SUGCT: variants seen among roughly 807,000 people sequenced by gnomAD.
SUGCT encodes succinyl-CoA:glutarate CoA-transferase.
Under a neutral mutation model 55.0 loss-of-function variants are expected in SUGCT, and 41 were observed. The observed-to-expected ratio is 0.74, with a 90% CI of 0.58 to 0.97. The LOEUF (loss-of-function observed/expected upper bound fraction) is 0.97, where lower values mean the gene tolerates loss of function less well. SUGCT is among the 50% of genes least tolerant of loss of function. SUGCT has a pLI of 0.00. For synonymous variants in SUGCT, 187 were observed against 200.4 expected (o/e 0.93, Z 0.56); for missense variants, 568 against 547.8 (o/e 1.04, Z -0.37).
chr7:40,530,153 G>C (rs910058458), intron 12 of SUGCT, among the ~76,000 whole-genome samples: 1 of 152,034 alleles, frequency 6.6e-6, no homozygotes, highest in Non-Finnish European at 1.5e-5. Context: ...CTTTATACCA[G>C]GAAGAACTGT....
the SUGCT span, among the ~76,000 whole-genome samples, chr7:40,908,298 G>A: frequency 6.6e-6 from 1 of 150,938 alleles, no homozygotes; most frequent in African/African-American, 2.4e-5. Flanking sequence ...CAGGAGAATG[G>A]TGTGAACCTG....
chr7:40,264,085 T>A (rs1232165561), intron 7 of SUGCT, among the ~76,000 whole-genome samples: 1 of 152,178 alleles, frequency 6.6e-6, no homozygotes, highest in Non-Finnish European at 1.5e-5. Flanking sequence ...CTTTGTAGTG[T>A]TAAGACTCTT....
At chr7:40,496,152 A>G (rs1408721661) in intron 11 of SUGCT, 132 bp from the exon 12 acceptor site, 3 of 602,222 alleles carry the variant, frequency 5.0e-6, no homozygotes, top group Non-Finnish European at 2.9e-6. Context: ...CCTTCTCTCA[A>G]ATGAGGTGTA....
intron 7 of SUGCT, among the ~76,000 whole-genome samples, chr7:40,251,935 A>AT (rs1790444560): frequency 4.0e-5 from 6 of 151,632 alleles, no homozygotes; most frequent in Admixed American, 1.3e-4. Context: ...CCTAGGAAAA[A>AT]TAAAAAAAAA....
chr7:40,518,793 A>G (rs1051749361), intron 12 of SUGCT, among the ~76,000 whole-genome samples: 1 of 152,042 alleles, frequency 6.6e-6, no homozygotes, highest in African/African-American at 2.4e-5. Flanking sequence ...GAGCTAACCA[A>G]AAAGAACTCC....
chr7:40,193,664 T>C (rs900953501), intron 5 of SUGCT, among the ~76,000 whole-genome samples: 1 of 151,744 alleles, frequency 6.6e-6, no homozygotes, highest in African/African-American at 2.4e-5. Flanking sequence ...AGTGGCATGA[T>C]CTCGGCTCAC....
chr7:40,772,597 A>ATCTC (rs992794441), intron 13 of SUGCT, among the ~76,000 whole-genome samples: 1 of 150,006 alleles, frequency 6.7e-6, no homozygotes, highest in African/African-American at 2.5e-5. Flanking sequence ...CTATCTATCT[A>ATCTC]TCTATCTATC....
At chr7:40,189,103 G>T (rs1037849827) in intron 4 of SUGCT, among the ~76,000 whole-genome samples, 17 of 152,164 alleles carry the variant, frequency 1.1e-4, no homozygotes, top group Non-Finnish European at 1.5e-5. Context: ...CAGCACTTTG[G>T]GTGGCTGAGG....
At position 40,377,150 on chromosome 7, in the gene SUGCT, CTTTCTTT is replaced by C. The variant is rs1784597107; in HGVS notation, c.816+60296_816+60302del. ...TTCCTCTTTCTTTCTTTCTTTCTTT[CTTTCTTT>C]CTTTCTTTCTTTCTTTCTTTCTTTC... is the stretch of plus-strand genomic sequence containing the variant. On this transcript the variant is annotated intron_variant, in intron 9 of 13. Coordinates refer to ENST00000335693, the MANE Select transcript of SUGCT (RefSeq NM_001193313.2). 1.4e-4 allele frequency among the ~76,000 whole-genome samples: 2 copies of C among 14,798 alleles called. 1 individual carries two copies. The highest frequency in any genetic ancestry group is 2.2e-4 in the African/African-American group (2 of 8,996). 9.7% of individuals were successfully genotyped at this position (14,798 alleles called of 152,430 possible).
intron 12 of SUGCT, among the ~76,000 whole-genome samples, chr7:40,647,230 T>C (rs1046160489): frequency 6.6e-6 from 1 of 152,220 alleles, no homozygotes; most frequent in African/African-American, 2.4e-5. Context: ...TTGGGAAATA[T>C]ATCAAACTTA....
the SUGCT span, among the ~76,000 whole-genome samples, chr7:41,010,016 G>T: frequency 3.3e-5 from 5 of 152,272 alleles, no homozygotes; most frequent in African/African-American, 1.2e-4. Flanking sequence ...ATGTGTTTGC[G>T]CTGGATGTGT....
At chr7:40,684,159 A>G in intron 12 of SUGCT, 1 of 1,563,974 alleles carries the variant, frequency 6.4e-7, no homozygotes, top group Non-Finnish European at 8.6e-7. Context: ...CTCTTACTAC[A>G]TCTCACTTCC....
the SUGCT span, chr7:40,979,365 A>C: frequency 6.6e-6 from 1 of 152,180 alleles, no homozygotes; most frequent in Non-Finnish European, 1.5e-5. Context: ...CTGTTGCAAA[A>C]TGTTTTACCT....
chr7:40,221,997 T>C (rs969461675), intron 6 of SUGCT, among the ~76,000 whole-genome samples: 5 of 152,220 alleles, frequency 3.3e-5, no homozygotes, highest in Non-Finnish European at 4.4e-5. Context: ...TCTGGAGGGC[T>C]GTGGTTTGGG....
At chr7:41,022,387 A>G in the SUGCT span, among the ~76,000 whole-genome samples, 2 of 152,202 alleles carry the variant, frequency 1.3e-5, no homozygotes, top group African/African-American at 2.4e-5. Flanking sequence ...CAAAAGAAAA[A>G]CATTTTCAGA....
chr7:40,304,406 A>T (rs1032239317), intron 8 of SUGCT, among the ~76,000 whole-genome samples: 28 of 151,046 alleles, frequency 1.9e-4, no homozygotes, highest in African/African-American at 6.8e-4. Context: ...TTTTTTTTTT[A>T]ATTTAAATTT....
chr7:40,311,597 C>A (rs1368689881), intron 8 of SUGCT, among the ~76,000 whole-genome samples: 1 of 152,096 alleles, frequency 6.6e-6, no homozygotes, highest in Non-Finnish European at 1.5e-5. Flanking sequence ...TTTCTCTATG[C>A]CAACCCCTTT....
At chr7:40,398,464 A>T (rs1176086845) in intron 9 of SUGCT, among the ~76,000 whole-genome samples, 1 of 149,532 alleles carries the variant, frequency 6.7e-6, no homozygotes, top group East Asian at 2.0e-4. Context: ...CCCCAGTAGG[A>T]TTGCATCTCG....
intron 12 of SUGCT, among the ~76,000 whole-genome samples, chr7:40,672,684 C>CTT: frequency 6.6e-6 from 1 of 152,142 alleles, no homozygotes; most frequent in Admixed American, 6.6e-5. Flanking sequence ...CACTGTGAGA[C>CTT]TGAACAATAG....
Sources: gnomAD v4.1 joint callset for allele counts (sites outside exome capture counted in the v4.1 genomes callset) on GRCh38, gnomAD v4.1.1 for gene constraint, MANE v1.5 for transcripts, NCBI Gene and HGNC (gene_info 2026-07-23, HGNC 2026-07-21) for gene names.